Variants in SLC7A1 observed in about 807,000 individuals in gnomAD.
SLC7A1 encodes the protein high affinity cationic amino acid transporter 1.
A neutral mutation model predicts 53.9 loss-of-function variants in SLC7A1; 10 were observed. That is an observed-to-expected ratio of 0.19 (90% CI 0.11 to 0.31). SLC7A1 has a LOEUF of 0.31. SLC7A1 is among the 10% of genes least tolerant of loss of function. The probability of loss-of-function intolerance (pLI) is 1.00; values close to 1 mark genes in which losing one functional copy is unlikely to be tolerated. For synonymous variants in SLC7A1, 342 were observed against 338.7 expected (o/e 1.01, Z -0.11); for missense variants, 525 against 827.2 (o/e 0.63, Z 4.48).
chr13:29,587,896 A>T (rs1358129451), intron 1 of SLC7A1, among the ~76,000 whole-genome samples: 1 of 152,134 alleles, frequency 6.6e-6, no homozygotes, highest in African/African-American at 2.4e-5. Context: ...AGGGATCACG[A>T]GTCTGTGTGG....
At chr13:29,568,572 A>G (rs1196051080) in intron 1 of SLC7A1, among the ~76,000 whole-genome samples, 2 of 152,264 alleles carry the variant, frequency 1.3e-5, no homozygotes, top group Non-Finnish European at 2.9e-5. Flanking sequence ...ATCACCTTGC[A>G]CACAGCAGTG....
chr13:29,555,202 C>CA (rs1441829252), intron 1 of SLC7A1, among the ~76,000 whole-genome samples: 1 of 147,684 alleles, frequency 6.8e-6, no homozygotes, highest in East Asian at 2.0e-4. Context: ...ACTAAAAATA[C>CA]AAAAAATTAG....
intron 1 of SLC7A1, among the ~76,000 whole-genome samples, chr13:29,562,943 A>G (rs983229471): frequency 1.3e-5 from 2 of 152,234 alleles, no homozygotes; most frequent in African/African-American, 2.4e-5. Flanking sequence ...TCAAAATTGC[A>G]TGATTCATCC....
chr13:29,566,478 C>T (rs371666075), intron 1 of SLC7A1, among the ~76,000 whole-genome samples: 1 of 152,146 alleles, frequency 6.6e-6, no homozygotes, highest in South Asian at 2.1e-4. Context: ...TGCTGCAACA[C>T]GGATGAACCT....
chr13:29,570,846 A>G (rs573427791), intron 1 of SLC7A1, among the ~76,000 whole-genome samples: 2 of 123,416 alleles, frequency 1.6e-5, no homozygotes, highest in Non-Finnish European at 3.6e-5. Flanking sequence ...CAACAAAGAG[A>G]GACTTTGTCT....
At chr13:29,586,552 T>C (rs1399987806) in intron 1 of SLC7A1, among the ~76,000 whole-genome samples, 1 of 152,228 alleles carries the variant, frequency 6.6e-6, no homozygotes, top group Non-Finnish European at 1.5e-5. Context: ...ACGCCATTCT[T>C]ACTGGCTACA....
intron 3 of SLC7A1, among the ~76,000 whole-genome samples, chr13:29,533,444 C>A (rs886507308): frequency 2.0e-5 from 3 of 152,166 alleles, no homozygotes; most frequent in African/African-American, 7.2e-5. Flanking sequence ...TTTCTAGGAA[C>A]CCCTTGGCTG....
rs368220114 is a variant in SLC7A1, at chr13:29,523,290, C to G, written c.1025G>C (p.Gly342Ala). ...WEGAKYAVAV[G>A]SLCALSASLL... ...CCTGGCGGAAAGAGCGCAGAGGGAGCCCACGGCCACTGCGTACTTGGCACC... is the reference window on the plus strand; with the variant it reads ...CCTGGCGGAAAGAGCGCAGAGGGAGGCCACGGCCACTGCGTACTTGGCACC... The change falls in exon 7 of 13, where the codon GGC becomes GCC. Residue 342 changes from glycine (G) to alanine (A), a missense_variant. Gly to Ala is a moderately conservative substitution (Grantham distance 60). Around this residue, in one of 4 missense-constraint regions of SLC7A1, gnomAD observed 354 missense variants for 587.5 expected, o/e 0.60. Coordinates refer to ENST00000380752, the MANE Select transcript of SLC7A1 (RefSeq NM_003045.5). 1 of 1,613,376 alleles carries G rather than the reference C, an allele frequency of 6.2e-7. No individual in the cohort carries two copies. The highest frequency in any genetic ancestry group is 8.5e-7 in the Non-Finnish European group (1 of 1,179,928).
chr13:29,544,877 G>GGC (rs904754603), intron 2 of SLC7A1, among the ~76,000 whole-genome samples: 7 of 150,534 alleles, frequency 4.7e-5, no homozygotes, highest in African/African-American at 7.4e-5. Context: ...CGGGGGGGGG[G>GGC]GGCAAGCTCT....
At chr13:29,579,443 C>G (rs1477492825) in intron 1 of SLC7A1, among the ~76,000 whole-genome samples, 1 of 151,966 alleles carries the variant, frequency 6.6e-6, no homozygotes, top group African/African-American at 2.4e-5. Context: ...TCACTGCAAC[C>G]TCCGCCTCCT....
intron 2 of SLC7A1, among the ~76,000 whole-genome samples, chr13:29,542,640 A>G (rs1869716366): frequency 6.6e-6 from 1 of 151,068 alleles, no homozygotes; most frequent in Non-Finnish European, 1.5e-5. Context: ...CCGTGATCAC[A>G]CACCGCACTC....
At chr13:29,549,271 AC>A (rs1260091215) in intron 2 of SLC7A1, among the ~76,000 whole-genome samples, 1 of 152,198 alleles carries the variant, frequency 6.6e-6, no homozygotes, top group Non-Finnish European at 1.5e-5. Flanking sequence ...AGAAAACCGT[AC>A]CCGTGGACCA....
intron 4 of SLC7A1, 21 bp from the exon 5 acceptor site, chr13:29,530,733 A>G (rs1357065837): frequency 1.2e-6 from 2 of 1,609,572 alleles, no homozygotes; most frequent in East Asian, 4.5e-5. Flanking sequence ...GCATAGACAC[A>G]AAACTTTGTC....
intron 1 of SLC7A1, among the ~76,000 whole-genome samples, chr13:29,562,590 G>A (rs192597252): frequency 1.2e-4 from 18 of 152,234 alleles, no homozygotes; most frequent in East Asian, 9.7e-4. Flanking sequence ...ATCCTCAACC[G>A]GTACACTGTG....
At chr13:29,565,920 A>T (rs962420643) in intron 1 of SLC7A1, among the ~76,000 whole-genome samples, 1 of 152,154 alleles carries the variant, frequency 6.6e-6, no homozygotes, top group African/African-American at 2.4e-5. Flanking sequence ...GGGCCAAGGA[A>T]CCATCACCCT....
chr13:29,562,640 G>A (rs1870811216), intron 1 of SLC7A1, among the ~76,000 whole-genome samples: 1 of 152,204 alleles, frequency 6.6e-6, no homozygotes, highest in East Asian at 1.9e-4. Context: ...GCATTACCTC[G>A]CACAGTTATC....
rs1255623424 is a variant in SLC7A1 at position 29,515,296 on chromosome 13, G to A, written c.1787-713C>T. On this transcript the variant is annotated intron_variant, in intron 12 of 12. Coordinates refer to ENST00000380752, the MANE Select transcript of SLC7A1 (RefSeq NM_003045.5). ...GCGCCCCTCTGCCTTCACCAGGCCT[G>A]GAGGAAGTGGCCAGTGAGCTGTGAG... Among the ~76,000 whole-genome samples the A allele has an allele frequency of 4.6e-5, 7 of 152,234 alleles. No individual in the cohort carries two copies. In the East Asian group the frequency reaches 1.3e-3, roughly 29 times the overall value.
At chr13:29,570,849 C>T (rs1187146456) in intron 1 of SLC7A1, among the ~76,000 whole-genome samples, 1 of 96,650 alleles carries the variant, frequency 1.0e-5, no homozygotes, top group Non-Finnish European at 2.4e-5. Context: ...CAAAGAGAGA[C>T]TTTGTCTCAA....
intron 1 of SLC7A1, among the ~76,000 whole-genome samples, chr13:29,579,983 T>C (rs944460674): frequency 1.3e-5 from 2 of 152,176 alleles, no homozygotes; most frequent in Non-Finnish European, 2.9e-5. Context: ...CCACTCAACA[T>C]CCACTTTCAC....
Sources: gnomAD v4.1 joint callset for allele counts (sites outside exome capture counted in the v4.1 genomes callset) on GRCh38, gnomAD v4.1.1 for gene constraint, gnomAD v4.1.1 regional missense constraint, MANE v1.5 for transcripts, NCBI Gene and HGNC (gene_info 2026-07-23, HGNC 2026-07-21) for gene names.